The following ZFP57 variants were observed in gnomAD, a reference collection of about 807,000 sequenced individuals.
The protein encoded by ZFP57 is ZFP57 zinc finger protein.
In ZFP57, 12 loss-of-function variants were observed where a neutral mutation model predicts 15.8. The observed-to-expected ratio is 0.76, with a 90% CI of 0.49 to 1.23. ZFP57 has a LOEUF of 1.23. ZFP57 is among the 50% of genes most tolerant of loss of function. The pLI, the probability that ZFP57 is intolerant of heterozygous loss-of-function variation, is 0.00. For missense variants in ZFP57, 536 were observed against 654.9 expected (o/e 0.82, Z 1.98); for synonymous variants, 203 against 242.3 (o/e 0.84, Z 1.51).
chr6:29,678,528 T>G (rs1158898527), intron 1 of ZFP57, among the ~76,000 whole-genome samples: 1 of 152,202 alleles, frequency 6.6e-6, no homozygotes, highest in African/African-American at 2.4e-5. Flanking sequence ...AGGTAAAAAT[T>G]CTTGTCTTAA....
At chr6:29,678,870 T>C (rs1321448658) in intron 1 of ZFP57, among the ~76,000 whole-genome samples, 1 of 152,136 alleles carries the variant, frequency 6.6e-6, no homozygotes, top group African/African-American at 2.4e-5. Flanking sequence ...CCGTCTCTAC[T>C]GAAAATACAA....
At chr6:29,678,146 A>G (rs1283357188) in intron 1 of ZFP57, among the ~76,000 whole-genome samples, 2 of 152,226 alleles carry the variant, frequency 1.3e-5, no homozygotes, top group Non-Finnish European at 2.9e-5. Flanking sequence ...GGACGTTGCC[A>G]TGAGCCAAGA....
rs751322940 is a variant in ZFP57, at chr6:29,672,772, G to T, written c.1339C>A (p.Leu447Ile). The change falls in exon 5 of 5, where the codon CTC becomes ATC. Residue 447 changes from leucine to isoleucine, a missense_variant. Physicochemically the swap from Leu to Ile is conservative, Grantham distance 5. Transcript: ENST00000376883. The stretch of plus-strand genomic sequence containing the variant: ...AGGCCCTCTTTCTCCCCAAAGGAGA[G>T]GTCACAGATAGGGCAAAGGTAGCTC... The part of the protein sequence containing the change: ...QKSYLCPICD[L>I]SFGEKEGLMD... The T allele has an allele frequency of 5.6e-6, 9 of 1,612,946 alleles. No individual in the cohort carries two copies. In the African/African-American group the frequency reaches 1.2e-4, roughly 22 times the overall value.
rs2127543318 is a variant in ZFP57, at chr6:29,672,589, T to C, written c.1522A>G (p.Ile508Val). 6.2e-7 allele frequency: 1 copy of C among 1,612,474 alleles called. No homozygotes were observed. Among genetic ancestry groups the C allele is most frequent in the South Asian group, 1.1e-5 (1 of 91,076 alleles). The change falls in exon 5 of 5, where the codon ATC becomes GTC. Residue 508 changes from isoleucine to valine, a missense_variant. Transcript: ENST00000376883. ...KHGGDQSPPR[I>V]HTPRRRGLRE... ...AGGCCTCTTCTCCTGGGGGTATGGA[T>C]CCTGGGGGGAGATTGATCACCTCCA...
intron 1 of ZFP57, among the ~76,000 whole-genome samples, chr6:29,680,303 T>G (rs1169113442): frequency 6.6e-6 from 1 of 152,124 alleles, no homozygotes; most frequent in Non-Finnish European, 1.5e-5. Context: ...GTCCTTTGAG[T>G]GCACCCAGTC....
chr6:29,676,744 T>A (rs1169501852), intron 2 of ZFP57, 137 bp downstream of exon 2: 2 of 1,145,524 alleles, frequency 1.7e-6, no homozygotes, highest in Non-Finnish European at 2.4e-6. Context: ...GAGAAAGGTC[T>A]TGCAGCTCCT....
At chr6:29,680,222 C>G (rs1226701299) in intron 1 of ZFP57, among the ~76,000 whole-genome samples, 1 of 152,222 alleles carries the variant, frequency 6.6e-6, no homozygotes, top group Admixed American at 6.5e-5. Flanking sequence ...GCGGGCTTAT[C>G]TGTACCCGGG....
rs1446298140 is a variant in ZFP57, at chr6:29,673,199, G to T, written c.912C>A (p.Phe304Leu). The change falls in exon 5 of 5, where the codon TTC becomes TTA. Residue 304 changes from phenylalanine (F) to leucine (L), a missense_variant. Transcript: ENST00000376883. The surrounding 1 kb of genome is among the most constrained non-coding windows in gnomAD (Gnocchi z 4.7). ...TCTGGCTTCTGGCGATGGGTGTCTGGAATTCAGCCTGGGTGCCTGGAATCC... is the reference window on the plus strand; with the variant it reads ...TCTGGCTTCTGGCGATGGGTGTCTGTAATTCAGCCTGGGTGCCTGGAATCC... ...TLRIPGTQAE[F>L]QTPIARSQRS... 6.2e-7 allele frequency: 1 copy of T among 1,612,926 alleles called. No homozygotes were observed. The highest frequency in any genetic ancestry group is 8.5e-7 in the Non-Finnish European group (1 of 1,180,038).
chr6:29,672,420 C>T, downstream of ZFP57: 1 of 1,543,828 alleles, frequency 6.5e-7, no homozygotes, highest in Non-Finnish European at 8.9e-7. Context: ...ACCTGTCTCC[C>T]TCTACTCCAG....
chr6:29,680,036 A>G (rs1427615568), intron 1 of ZFP57, among the ~76,000 whole-genome samples: 1 of 152,178 alleles, frequency 6.6e-6, no homozygotes, highest in African/African-American at 2.4e-5. Flanking sequence ...AGAGGCCCTA[A>G]GTGTGGATTC....
intron 2 of ZFP57, 114 bp downstream of exon 2, chr6:29,676,767 C>T (rs541787787): frequency 2.3e-4 from 313 of 1,385,358 alleles, no homozygotes; most frequent in Non-Finnish European, 2.9e-4. Flanking sequence ...TTCTGGATGT[C>T]GTTCAGTCTG....
In ZFP57 at chr6:29,677,188, T is replaced by C. The variant is rs1363668690; in HGVS notation, c.-185A>G. ...TATCTGCTCCAAGAGGCTGTCTTCC[T>C]TTTTTGTTCTGCTGTCCAAATTCTC... On this transcript the variant is annotated 5_prime_UTR_variant, in exon 2 of 5. Coordinates refer to ENST00000376883, the MANE Select transcript of ZFP57 (RefSeq NM_001109809.5). 2 of 753,648 alleles carry C rather than the reference T, an allele frequency of 2.7e-6. No homozygotes were observed. The highest frequency in any genetic ancestry group is 1.8e-5 in the African/African-American group (1 of 56,804). 46.7% of individuals were successfully genotyped at this position (753,648 alleles called of 1,614,324 possible). A position where few individuals can be genotyped will look rare whatever the true frequency, so the allele number is the denominator to read the frequency against.
At chr6:29,676,100 A>ATATGTGTGTGTGTG in intron 2 of ZFP57, 41 bp from the exon 3 acceptor site, 2 of 1,318,964 alleles carry the variant, frequency 1.5e-6, no homozygotes, top group Non-Finnish European at 2.1e-6. Context: ...ATATAAATAT[A>ATATGTGTGTGTGTG]TATGTGTGTG....
At chr6:29,679,175 A>G (rs971337383) in intron 1 of ZFP57, among the ~76,000 whole-genome samples, 34 of 152,228 alleles carry the variant, frequency 2.2e-4, no homozygotes, top group Admixed American at 2.2e-3. Flanking sequence ...TGAGCCCAGC[A>G]CTGGAGTTCC....
chr6:29,680,253 A>G (rs1276987272), intron 1 of ZFP57, among the ~76,000 whole-genome samples: 2 of 152,158 alleles, frequency 1.3e-5, no homozygotes, highest in African/African-American at 4.8e-5. Flanking sequence ...CCCTTCCAGA[A>G]TGTAAATCCT....
intron 2 of ZFP57, 50 bp from the exon 3 acceptor site, chr6:29,676,109 T>C (rs1310564393): frequency 6.8e-7 from 1 of 1,479,874 alleles, no homozygotes; most frequent in Non-Finnish European, 9.4e-7. Context: ...TATATGTGTG[T>C]GTGTGTGTGT....
intron 1 of ZFP57, among the ~76,000 whole-genome samples, chr6:29,680,774 C>A (rs965046211): frequency 6.6e-6 from 1 of 152,216 alleles, no homozygotes; most frequent in Non-Finnish European, 1.5e-5. Context: ...GACTACCTTC[C>A]CCGATGCCCA....
rs1446826654 is a variant in ZFP57 at position 29,673,087 on chromosome 6, G to A, written c.1024C>T (p.Gln342Ter). The A allele has an allele frequency of 6.2e-7, 1 of 1,612,838 alleles. No homozygotes were observed. Among genetic ancestry groups the A allele is most frequent in the Non-Finnish European group, 8.5e-7 (1 of 1,180,016 alleles). The change falls in exon 5 of 5, where the codon CAG (glutamine) becomes TAG (stop). Residue 342 changes from glutamine to a stop codon, truncating the protein, a stop_gained. Coordinates refer to ENST00000376883, the MANE Select transcript of ZFP57 (RefSeq NM_001109809.5). LOFTEE classifies it low-confidence loss of function (END_TRUNC). The surrounding 1 kb of genome is among the most constrained non-coding windows in gnomAD (Gnocchi z 4.7). ...TTCTTAAGTACAGATGCCTGGTTCT[G>A]GGCCATAGGACCCTCAGTTCTAAAT... ...PIFRTEGPMA[Q>*]NQASVLKNQA...
Position 29,676,868 on chromosome 6 carries a change from T to C in ZFP57, c.123+13A>G. The C allele has an allele frequency of 2.5e-6, 4 of 1,614,038 alleles. No homozygotes were observed. The highest frequency in any genetic ancestry group is 3.4e-6 in the Non-Finnish European group (4 of 1,179,982). Reference sequence around the variant, plus strand: ...GACCTGGACCCCACCTCTCTCTAGCTTAGTCTCCTCACCTTCTTCACCCGT... The same window carrying C: ...GACCTGGACCCCACCTCTCTCTAGCCTAGTCTCCTCACCTTCTTCACCCGT... On this transcript the variant is annotated intron_variant, in intron 2 of 4. Transcript: ENST00000376883.
Sources: gnomAD v4.1 joint callset for allele counts (sites outside exome capture counted in the v4.1 genomes callset) on GRCh38, gnomAD v4.1.1 for gene constraint, Gnocchi (gnomAD v3.1) non-coding constraint, MANE v1.5 for transcripts, NCBI Gene and HGNC (gene_info 2026-07-23, HGNC 2026-07-21) for gene names.